Variants in ATG10 observed in about 807,000 individuals in gnomAD.
ATG10 encodes the protein autophagy related 10.
In ATG10, 30 loss-of-function variants were observed where a neutral mutation model predicts 32.1. The ratio of observed to expected loss-of-function variants is 0.94; its 90% CI spans 0.70 to 1.27. ATG10 has a LOEUF of 1.27. Ranked by LOEUF, ATG10 falls within the 50% of genes most tolerant of loss-of-function variation. ATG10 has a pLI of 0.00. For missense variants in ATG10, 233 were observed against 262.3 expected (o/e 0.89, Z 0.77); for synonymous variants, 87 against 91.5 (o/e 0.95, Z 0.28).
At chr5:82,203,902 T>C (rs941161785) in intron 5 of ATG10, among the ~76,000 whole-genome samples, 6 of 152,192 alleles carry the variant, frequency 3.9e-5, no homozygotes, top group African/African-American at 1.4e-4. Flanking sequence ...GTCCCAGGTA[T>C]AATCAATTTA....
chr5:81,990,691 G>A lies in ATG10; in HGVS notation c.108+3013G>A, dbSNP rs1006913317. On this transcript the variant is annotated intron_variant, in intron 2 of 7. Transcript: ENST00000282185. ...CTTTGGAGTGGGAGTTACACCCACT[G>A]CAATGATGAGCACTGAGATGGTATT... Among the ~76,000 whole-genome samples the A allele has an allele frequency of 2.6e-5, 4 of 152,190 alleles. 1 individual carries two copies. Among genetic ancestry groups the A allele is most frequent in the Admixed American group, 1.3e-4 (2 of 15,264 alleles).
chr5:82,169,322 A>G (rs993662305), intron 4 of ATG10, among the ~76,000 whole-genome samples: 24 of 147,930 alleles, frequency 1.6e-4, no homozygotes, highest in Non-Finnish European at 2.6e-4. Flanking sequence ...GAAATTTGGA[A>G]AAAAAAAAAA....
At chr5:82,178,148 C>T (rs1042416290) in intron 4 of ATG10, among the ~76,000 whole-genome samples, 3 of 152,044 alleles carry the variant, frequency 2.0e-5, no homozygotes, top group Admixed American at 2.0e-4. Flanking sequence ...TCATGGTGCA[C>T]CTTTATGAAT....
intron 5 of ATG10, among the ~76,000 whole-genome samples, chr5:82,250,726 T>G (rs982854223): frequency 1.3e-5 from 2 of 152,270 alleles, no homozygotes; most frequent in Non-Finnish European, 2.9e-5. Flanking sequence ...TCTCCTGCAC[T>G]GAAATCTAAG....
intron 2 of ATG10, among the ~76,000 whole-genome samples, chr5:82,056,195 T>A (rs1022280346): frequency 6.6e-6 from 1 of 152,170 alleles, no homozygotes; most frequent in African/African-American, 2.4e-5. Context: ...AACACAAATT[T>A]ATGTTACTTA....
intron 4 of ATG10, among the ~76,000 whole-genome samples, chr5:82,175,684 G>A (rs559594816): frequency 1.1e-4 from 17 of 152,100 alleles, no homozygotes; most frequent in Admixed American, 5.9e-4. Flanking sequence ...CCACTGGTTG[G>A]CACCTCTCCC....
At chr5:82,133,494 G>A (rs1333229742) in intron 3 of ATG10, among the ~76,000 whole-genome samples, 2 of 152,008 alleles carry the variant, frequency 1.3e-5, no homozygotes, top group Non-Finnish European at 2.9e-5. Flanking sequence ...TTTCCCTATT[G>A]CTTGTTTTTG....
chr5:82,148,015 T>TA (rs1308074379), intron 3 of ATG10: 1 of 152,212 alleles, frequency 6.6e-6, no homozygotes, highest in Admixed American at 6.5e-5. Flanking sequence ...GATTGGTCTG[T>TA]AAGGCACTCA....
intron 5 of ATG10, among the ~76,000 whole-genome samples, chr5:82,228,348 A>G (rs1167723698): frequency 1.3e-5 from 2 of 152,206 alleles, no homozygotes; most frequent in Admixed American, 6.5e-5. Context: ...GTTTTGATCA[A>G]TTGAATACTA....
At chr5:82,069,253 A>T (rs1018738882) in intron 3 of ATG10, among the ~76,000 whole-genome samples, 1 of 152,090 alleles carries the variant, frequency 6.6e-6, no homozygotes, top group Admixed American at 6.6e-5. Context: ...TATTAAAATG[A>T]TTGTTGAATT....
At chr5:82,004,130 T>A (rs530689642) in intron 2 of ATG10, among the ~76,000 whole-genome samples, 672 of 29,052 alleles carry the variant, frequency 0.023, 2 homozygotes, top group Non-Finnish European at 0.033. Context: ...AGAACAAGAC[T>A]CCGTCTCAAA....
chr5:82,094,714 T>C (rs1764997836), intron 3 of ATG10, among the ~76,000 whole-genome samples: 1 of 152,174 alleles, frequency 6.6e-6, no homozygotes, highest in African/African-American at 2.4e-5. Context: ...CAAATATTTA[T>C]TACTTAAAAA....
At position 82,140,697 on chromosome 5, in the gene ATG10, C is replaced by G. The variant is rs1282585807; in HGVS notation, c.217-23702C>G. On this transcript the variant is annotated intron_variant, in intron 3 of 7. Transcript: ENST00000282185. ...ACTGGGAAGTGAGGAGCCCCTCTGC[C>G]CGGCCACCACCCCGTCTGGGAGGTG... Among the ~76,000 whole-genome samples, 208 of 38,948 alleles carry G rather than the reference C, an allele frequency of 5.3e-3. 1 individual carries two copies. The highest frequency in any genetic ancestry group is 0.018 in the African/African-American group (194 of 11,012). The allele number at this position is 38,948 out of a possible 152,430, so 25.6% of individuals were successfully genotyped here.
Position 81,993,378 on chromosome 5 carries a change from CTTTTCTTTTCTTTTT to C in ATG10, c.108+5715_108+5729del, listed in dbSNP as rs1561244257. Among the ~76,000 whole-genome samples the C allele has an allele frequency of 8.7e-3, 387 of 44,234 alleles. 11 individuals are homozygous for C. The highest frequency in any genetic ancestry group is 0.027 in the African/African-American group (343 of 12,750). The allele number at this position is 44,234 out of a possible 152,430, so 29.0% of individuals were successfully genotyped here. A position where few individuals can be genotyped will look rare whatever the true frequency, so the allele number is the denominator to read the frequency against. On this transcript the variant is annotated intron_variant, in intron 2 of 7. Coordinates refer to ENST00000282185, the MANE Select transcript of ATG10 (RefSeq NM_031482.5). ...TTCTTTCCTTCTTTTCTTTTCTTTT[CTTTTCTTTTCTTTTT>C]TTTTCTTTTCTTTTCTTTTCTTTTC...
chr5:82,039,157 C>T (rs181075652), intron 2 of ATG10, among the ~76,000 whole-genome samples: 4 of 152,268 alleles, frequency 2.6e-5, no homozygotes, highest in Admixed American at 1.3e-4. Flanking sequence ...CCTTTTAGTT[C>T]CCAGGAAACA....
At chr5:82,117,706 A>G (rs1316270047) in intron 3 of ATG10, among the ~76,000 whole-genome samples, 1 of 152,112 alleles carries the variant, frequency 6.6e-6, no homozygotes, top group Non-Finnish European at 1.5e-5. Flanking sequence ...CTTCAAGCCA[A>G]TTTTATTTTT....
intron 4 of ATG10, among the ~76,000 whole-genome samples, chr5:82,178,154 T>A (rs902481581): frequency 6.6e-6 from 1 of 152,164 alleles, no homozygotes; most frequent in East Asian, 1.9e-4. Flanking sequence ...TGCACCTTTA[T>A]GAATATGGGA....
intron 3 of ATG10, among the ~76,000 whole-genome samples, chr5:82,162,778 C>A (rs1261168291): frequency 8.1e-6 from 1 of 123,234 alleles, no homozygotes; most frequent in Admixed American, 1.2e-4. Flanking sequence ...AGGATGCCCA[C>A]GAGTGAAAAT....
intron 3 of ATG10, among the ~76,000 whole-genome samples, chr5:82,154,359 A>T (rs2149885600): frequency 6.6e-6 from 1 of 152,304 alleles, no homozygotes; most frequent in African/African-American, 2.4e-5. Context: ...GACACCTTTG[A>T]TCTAGAATAT....
Sources: allele counts gnomAD v4.1 joint callset (sites outside exome capture counted in the v4.1 genomes callset), GRCh38; gene constraint gnomAD v4.1.1; transcripts MANE v1.5; gene names NCBI Gene and HGNC (gene_info 2026-07-23, HGNC 2026-07-21).